SLC25A33: variants seen among roughly 807,000 people sequenced by gnomAD.
SLC25A33 encodes the protein bone marrow stromal cell mitochondrial carrier protein.
SLC25A33 carries 15 observed loss-of-function variants against 35.5 expected under a neutral mutation model. The ratio of observed to expected loss-of-function variants is 0.42; its 90% CI spans 0.28 to 0.65. The LOEUF (loss-of-function observed/expected upper bound fraction) is 0.65, where lower values mean the gene tolerates loss of function less well. Among genes scored for constraint, SLC25A33 ranks in the 30% least tolerant of loss-of-function variants. SLC25A33 has a pLI of 0.20. For synonymous variants in SLC25A33, 136 were observed against 148.7 expected (o/e 0.91, Z 0.62); for missense variants, 257 against 398.5 (o/e 0.64, Z 3.02).
intron 2 of SLC25A33, among the ~76,000 whole-genome samples, chr1:9,558,917 A>T (rs1231401210): frequency 6.6e-6 from 1 of 152,094 alleles, no homozygotes; most frequent in African/African-American, 2.4e-5. Context: ...AGCTACAGCT[A>T]TCCCTGTGGC....
intron 3 of SLC25A33, among the ~76,000 whole-genome samples, chr1:9,568,754 G>A (rs1643545931): frequency 6.6e-6 from 1 of 152,082 alleles, no homozygotes; most frequent in Non-Finnish European, 1.5e-5. Context: ...AGGAGGCTAA[G>A]GCAGGAGAAT....
chr1:9,583,488 C>A lies in SLC25A33; in HGVS notation c.*987C>A, dbSNP rs1046827233. 1 of 152,076 alleles carries A rather than the reference C, an allele frequency of 6.6e-6. No homozygotes were observed. The highest frequency in any genetic ancestry group is 1.5e-5 in the Non-Finnish European group (1 of 68,024). The allele number at this position is 152,076 out of a possible 1,614,324, so 9.4% of individuals were successfully genotyped here. A position where few individuals can be genotyped will look rare whatever the true frequency, so the allele number is the denominator to read the frequency against. On this transcript the variant is annotated 3_prime_UTR_variant, in exon 7 of 7. Transcript: ENST00000302692. ...ATGGCCTGGCTCCTGGATATAGTTC[C>A]GGAAGTTAAGACCAGTTGCCTTGTT... is the stretch of plus-strand genomic sequence containing the variant.
At chr1:9,550,012 T>TATATATATATATATATATACATATATA (rs55887722) in intron 1 of SLC25A33, among the ~76,000 whole-genome samples, 1 of 33,844 alleles carries the variant, frequency 3.0e-5, no homozygotes, top group African/African-American at 8.7e-5. Context: ...TATATATATA[T>TATATATATATATATATATACATATATA]TTTTTTTTTT....
chr1:9,582,014 C>G lies in SLC25A33; in HGVS notation c.764-285C>G, dbSNP rs1643752827. On this transcript the variant is annotated intron_variant, in intron 6 of 6. Transcript: ENST00000302692. This position sits in a 1 kb window ranked among gnomAD's most constrained non-coding sequence, Gnocchi z 4.0. ...TCCCGACTCATTGCGACCTTCACCT[C>G]CCAGGTTCAAGCGATCCTCATTCCT... is the stretch of plus-strand genomic sequence containing the variant. 6.6e-6 allele frequency among the ~76,000 whole-genome samples: 1 copy of G among 152,114 alleles called. No homozygotes were observed. Among genetic ancestry groups the G allele is most frequent in the Non-Finnish European group, 1.5e-5 (1 of 68,024 alleles).
rs991973723 is a variant in SLC25A33 at position 9,578,835 on chromosome 1, C to T, written c.483-1119C>T. On this transcript the variant is annotated intron_variant, in intron 5 of 6. Coordinates refer to ENST00000302692, the MANE Select transcript of SLC25A33 (RefSeq NM_032315.3). This position sits in a 1 kb window ranked among gnomAD's most constrained non-coding sequence, Gnocchi z 4.3. ...CACTGAAAGCATTCCCTGTGTCTCACGGCCTTGTGACTTAATCTAGCAGAT... is the reference window on the plus strand; with the variant it reads ...CACTGAAAGCATTCCCTGTGTCTCATGGCCTTGTGACTTAATCTAGCAGAT... Among the ~76,000 whole-genome samples the T allele has an allele frequency of 1.4e-4, 22 of 152,210 alleles. 1 individual carries two copies. The highest frequency in any genetic ancestry group is 1.2e-3 in the Admixed American group (18 of 15,278).
At chr1:9,563,063 C>T (rs1314668077) in intron 2 of SLC25A33, among the ~76,000 whole-genome samples, 3 of 151,476 alleles carry the variant, frequency 2.0e-5, no homozygotes, top group Non-Finnish European at 2.9e-5. Flanking sequence ...GGACTACAGG[C>T]GCCCACTACC....
Position 9,579,972 on chromosome 1 carries a change from G to A in SLC25A33, c.501G>A (p.Gln167=). The stretch of plus-strand genomic sequence containing the variant: ...TATGCAGAGTGAGGGGCTCTAAGCA[G>A]ATGAATACACTCCAGTGTGCTCGTT... ...QLEQKVRGSK[Q]MNTLQCARYV... Residue 167 remains glutamine, a synonymous_variant, in exon 6 of 7, where the codon CAG becomes CAA. Transcript: ENST00000302692. The A allele has an allele frequency of 6.2e-7, 1 of 1,613,632 alleles. No homozygotes were observed. The highest frequency in any genetic ancestry group is 8.5e-7 in the Non-Finnish European group (1 of 1,179,768).
At position 9,556,185 on chromosome 1, in the gene SLC25A33, G is replaced by A. The variant is rs550941476; in HGVS notation, c.236+2380G>A. The A allele has an allele frequency of 5.1e-6, 5 of 985,296 alleles. No individual in the cohort carries two copies. The African/African-American group carries it at 7.0e-5, about 14-fold the overall frequency. 61.0% of individuals were successfully genotyped at this position (985,296 alleles called of 1,614,324 possible). A position where few individuals can be genotyped will look rare whatever the true frequency, so the allele number is the denominator to read the frequency against. ...CTTTGCCTTTTCACATGCTTAGGCG[G>A]TGCCAGTGTCCCGGGTGACACCTTT... On this transcript the variant is annotated intron_variant, in intron 2 of 6. Transcript: ENST00000302692.
chr1:9,549,866 G>A (rs1643237533), intron 1 of SLC25A33, among the ~76,000 whole-genome samples: 1 of 148,402 alleles, frequency 6.7e-6, no homozygotes, highest in South Asian at 2.1e-4. Flanking sequence ...CAAGTAATCT[G>A]CCCACCTCAG....
intron 1 of SLC25A33, among the ~76,000 whole-genome samples, chr1:9,546,121 A>AC (rs936269562): frequency 6.7e-6 from 1 of 149,218 alleles, no homozygotes; most frequent in African/African-American, 2.5e-5. Flanking sequence ...GCTTTCCTCC[A>AC]CTGGATTCAA....
chr1:9,558,404 C>T (rs963703003), intron 2 of SLC25A33, among the ~76,000 whole-genome samples: 1 of 152,228 alleles, frequency 6.6e-6, no homozygotes, highest in Non-Finnish European at 1.5e-5. Flanking sequence ...ACTGCCACTC[C>T]TGTGGGCGCA....
chr1:9,554,860 C>A lies in SLC25A33; in HGVS notation c.236+1055C>A, dbSNP rs139065047. On this transcript the variant is annotated intron_variant, in intron 2 of 6. Transcript: ENST00000302692. ...TATCAGTCTATGCATAAGGTAAAAT[C>A]AAATTCAGAAGAGAACTGATTGAAT... Among the ~76,000 whole-genome samples the A allele has an allele frequency of 1.5e-3, 221 of 152,214 alleles. 1 individual carries two copies. Among genetic ancestry groups the A allele is most frequent in the African/African-American group, 5.2e-3 (214 of 41,542 alleles).
At chr1:9,548,593 GCAAA>G (rs1218013507) in intron 1 of SLC25A33, among the ~76,000 whole-genome samples, 13 of 152,058 alleles carry the variant, frequency 8.5e-5, no homozygotes, top group African/African-American at 3.1e-4. Flanking sequence ...ACAACAAAAA[GCAAA>G]CAAACAAAAT....
At chr1:9,577,056 T>C (rs1643670064) in intron 5 of SLC25A33, 2 of 682,166 alleles carry the variant, frequency 2.9e-6, no homozygotes, top group Non-Finnish European at 2.5e-6. Flanking sequence ...GATATTTAAA[T>C]GATGCCATAA....
chr1:9,569,365 T>C (rs193055641), intron 3 of SLC25A33, among the ~76,000 whole-genome samples: 73 of 152,308 alleles, frequency 4.8e-4, no homozygotes, highest in Non-Finnish European at 8.7e-4. Context: ...CAGAAAGTAC[T>C]AGTCTGTGAG....
At chr1:9,569,849 C>G (rs1196489566) in intron 3 of SLC25A33, among the ~76,000 whole-genome samples, 1 of 151,968 alleles carries the variant, frequency 6.6e-6, no homozygotes, top group Non-Finnish European at 1.5e-5. Context: ...CACCCAAAAA[C>G]AGTTCAAATT....
intron 5 of SLC25A33, chr1:9,576,671 G>T: frequency 1.6e-6 from 1 of 635,792 alleles, no homozygotes; most frequent in African/African-American, 1.8e-5. Context: ...GTTACACTGG[G>T]CTTCTGTTAC....
At chr1:9,557,163 C>T (rs1450757361) in intron 2 of SLC25A33, among the ~76,000 whole-genome samples, 2 of 152,216 alleles carry the variant, frequency 1.3e-5, no homozygotes, top group African/African-American at 2.4e-5. Context: ...AAACTCCCAA[C>T]CTCAGGTGAT....
In SLC25A33 at chr1:9,582,366, G is replaced by C. The variant is rs61741102; in HGVS notation, c.831G>C (p.Leu277=). 0.03 allele frequency: 49,222 copies of C among 1,613,944 alleles called. 912 individuals carry two copies. The highest frequency in any genetic ancestry group is 0.045 in the South Asian group (4,129 of 91,074). ...AGTCTTTTGTCCAGACGGCGCGCCT[G>C]GTGTTCCGGGAAGAAGGCTACCTTG... is the stretch of plus-strand genomic sequence containing the variant. ...KYKSFVQTAR[L]VFREEGYLAF... Residue 277 remains leucine, a synonymous_variant, in exon 7 of 7, where the codon CTG becomes CTC. Coordinates refer to ENST00000302692, the MANE Select transcript of SLC25A33 (RefSeq NM_032315.3). This position sits in a 1 kb window ranked among gnomAD's most constrained non-coding sequence, Gnocchi z 4.0.
Sources: gnomAD v4.1 joint callset for allele counts (sites outside exome capture counted in the v4.1 genomes callset) on GRCh38, gnomAD v4.1.1 for gene constraint, Gnocchi (gnomAD v3.1) non-coding constraint, MANE v1.5 for transcripts, NCBI Gene and HGNC (gene_info 2026-07-23, HGNC 2026-07-21) for gene names.